FGF7: variants seen among roughly 807,000 people sequenced by gnomAD.
The protein encoded by FGF7 is FGF-7.
A neutral mutation model predicts 20.5 loss-of-function variants in FGF7; 6 were observed. The observed-to-expected ratio is 0.29, with a 90% CI of 0.16 to 0.58. The LOEUF (loss-of-function observed/expected upper bound fraction) is 0.58. Among genes scored for constraint, FGF7 ranks in the 20% least tolerant of loss-of-function variants. FGF7 has a pLI of 0.90. For missense variants in FGF7, 144 were observed against 228.8 expected, an observed-to-expected ratio of 0.63 and a Z score of 2.39; for synonymous variants, 64 against 74.7, an observed-to-expected ratio of 0.86 and a Z score of 0.74.
chr15:49,459,964 T>G (rs1484799738), intron 2 of FGF7, among the ~76,000 whole-genome samples: 4 of 152,140 alleles, frequency 2.6e-5, no homozygotes, highest in Non-Finnish European at 5.9e-5. Context: ...TCTTAAATAT[T>G]TTTATCCACC....
chr15:49,475,056 T>A (rs1475669414), intron 2 of FGF7, among the ~76,000 whole-genome samples: 5 of 152,156 alleles, frequency 3.3e-5, no homozygotes, highest in Non-Finnish European at 1.5e-5. Context: ...TAAGCATAGA[T>A]ACAATATAAT....
chr15:49,437,801 T>C (rs2051245024), intron 2 of FGF7, among the ~76,000 whole-genome samples: 1 of 151,648 alleles, frequency 6.6e-6, no homozygotes, highest in African/African-American at 2.4e-5. Flanking sequence ...TATGTGTGGA[T>C]ACCAACACCA....
chr15:49,443,169 A>C (rs996355190), intron 2 of FGF7, among the ~76,000 whole-genome samples: 7 of 151,706 alleles, frequency 4.6e-5, no homozygotes, highest in South Asian at 4.1e-4. Flanking sequence ...AATTTTGTTA[A>C]CTTATTAAAT....
chr15:49,431,745 A>G (rs2050642203), intron 2 of FGF7, among the ~76,000 whole-genome samples: 1 of 151,814 alleles, frequency 6.6e-6, no homozygotes, highest in African/African-American at 2.4e-5. Context: ...GACTTTACAT[A>G]AAAATTATTG....
intron 2 of FGF7, among the ~76,000 whole-genome samples, chr15:49,431,055 A>G (rs2151786262): frequency 6.6e-6 from 1 of 152,000 alleles, no homozygotes; most frequent in East Asian, 1.9e-4. Context: ...CTTCTCTAAC[A>G]TCACTATTGG....
chr15:49,428,149 G>A (rs1314755891), intron 2 of FGF7, among the ~76,000 whole-genome samples: 1 of 151,868 alleles, frequency 6.6e-6, no homozygotes, highest in African/African-American at 2.4e-5. Context: ...TCTGACTCTT[G>A]AGGGGACAGA....
chr15:49,451,486 GATT>G (rs1331844772), intron 2 of FGF7, among the ~76,000 whole-genome samples: 6 of 151,964 alleles, frequency 3.9e-5, no homozygotes, highest in East Asian at 1.9e-4. Context: ...TGTATATATA[GATT>G]ATAACATCAA....
Position 49,424,520 on chromosome 15 carries a change from T to C in FGF7, c.223T>C (p.Trp75Arg). The change falls in exon 2 of 4, where the codon TGG (tryptophan) becomes CGG (arginine). Residue 75 changes from tryptophan (W) to arginine (R), a missense_variant. By Grantham distance (101) the Trp-to-Arg change is moderately radical. Transcript: ENST00000267843. The stretch of plus-strand genomic sequence containing the variant: ...GAGAAGACTCTTCTGTCGAACACAG[T>C]GGTACCTGAGGATCGATAAAAGAGG... ...RVRRLFCRTQ[W>R]YLRIDKRGKV... 1 of 1,612,010 alleles carries C rather than the reference T, an allele frequency of 6.2e-7. No individual in the cohort carries two copies. The highest frequency in any genetic ancestry group is 8.5e-7 in the Non-Finnish European group (1 of 1,178,596).
At chr15:49,441,512 A>G (rs1431838920) in intron 2 of FGF7, among the ~76,000 whole-genome samples, 1 of 151,748 alleles carries the variant, frequency 6.6e-6, no homozygotes, top group Non-Finnish European at 1.5e-5. Flanking sequence ...GTAGACCAGG[A>G]AAGTAGACCA....
At chr15:49,450,182 G>C (rs1017592629) in intron 2 of FGF7, among the ~76,000 whole-genome samples, 12 of 152,134 alleles carry the variant, frequency 7.9e-5, no homozygotes, top group Admixed American at 1.3e-4. Context: ...TGGCAGAAGA[G>C]TGAATTTAGT....
At chr15:49,470,229 G>A (rs907081026) in intron 2 of FGF7, among the ~76,000 whole-genome samples, 1 of 136,704 alleles carries the variant, frequency 7.3e-6, no homozygotes, top group Admixed American at 7.9e-5. Flanking sequence ...ACTTTAAGTG[G>A]CACCTTATAA....
intron 2 of FGF7, among the ~76,000 whole-genome samples, chr15:49,441,427 T>A (rs981753026): frequency 6.6e-6 from 1 of 151,648 alleles, no homozygotes; most frequent in Non-Finnish European, 1.5e-5. Context: ...AAAATAAAAA[T>A]AAAATTAGAG....
intron 2 of FGF7, among the ~76,000 whole-genome samples, chr15:49,471,650 T>C (rs1471512573): frequency 6.6e-6 from 1 of 152,108 alleles, no homozygotes; most frequent in Non-Finnish European, 1.5e-5. Context: ...GATTTTCTAA[T>C]CAAGAATGGC....
intron 2 of FGF7, among the ~76,000 whole-genome samples, chr15:49,453,653 T>C (rs1312638080): frequency 1.3e-5 from 2 of 152,182 alleles, no homozygotes; most frequent in African/African-American, 4.8e-5. Context: ...GAGGTAATTG[T>C]ATCTAGACTC....
rs199728119 is a variant in FGF7, at chr15:49,482,284, G to GAT, written c.287-859_287-858dup. Among the ~76,000 whole-genome samples the GAT allele has an allele frequency of 8.7e-3, 1,317 of 152,058 alleles. 32 individuals are homozygous for GAT. Among genetic ancestry groups the GAT allele is most frequent in the South Asian group, 0.069 (331 of 4,820 alleles). On this transcript the variant is annotated intron_variant, in intron 2 of 3. Transcript: ENST00000267843. ...TCATTAAAACACAGGATTTAAGGAA[G>GAT]ATATATATAATAAAGGAAAATAGTA...
intron 2 of FGF7, among the ~76,000 whole-genome samples, chr15:49,462,126 A>G (rs1347282803): frequency 6.6e-6 from 1 of 152,176 alleles, no homozygotes; most frequent in Non-Finnish European, 1.5e-5. Flanking sequence ...CTCAAAAAAA[A>G]AATTGTATTT....
rs1347912456 is a variant in FGF7, at chr15:49,424,590, A to C, written c.286+7A>C. On this transcript the variant is annotated splice_region_variant and intron_variant, in intron 2 of 3. Coordinates refer to ENST00000267843, the MANE Select transcript of FGF7 (RefSeq NM_002009.4). ...GAGATGAAGAATAATTACAGTAAGTAATTTTAAGTACTGCTCATGAACCTT... is the reference window on the plus strand; with the variant it reads ...GAGATGAAGAATAATTACAGTAAGTCATTTTAAGTACTGCTCATGAACCTT... The C allele has an allele frequency of 6.4e-7, 1 of 1,557,994 alleles. No individual in the cohort carries two copies. The highest frequency in any genetic ancestry group is 1.4e-5 in the African/African-American group (1 of 73,066).
intron 2 of FGF7, among the ~76,000 whole-genome samples, chr15:49,480,368 T>C (rs1449145992): frequency 6.6e-6 from 1 of 152,042 alleles, no homozygotes; most frequent in East Asian, 1.9e-4. Context: ...AGTGCTGTGG[T>C]GTGACCTCGG....
chr15:49,477,015 C>T (rs930454974), intron 2 of FGF7, among the ~76,000 whole-genome samples: 1 of 151,562 alleles, frequency 6.6e-6, no homozygotes, highest in African/African-American at 2.4e-5. Flanking sequence ...AGCGGAGATC[C>T]CGCCACTGCA....
Sources: gnomAD v4.1 joint callset for allele counts (sites outside exome capture counted in the v4.1 genomes callset) on GRCh38, gnomAD v4.1.1 for gene constraint, MANE v1.5 for transcripts, NCBI Gene and HGNC (gene_info 2026-07-23, HGNC 2026-07-21) for gene names.